ITM2C: variants seen among roughly 807,000 people sequenced by gnomAD.
ITM2C encodes integral membrane protein 2C.
A neutral mutation model predicts 30.0 loss-of-function variants in ITM2C; 20 were observed. That is an observed-to-expected ratio of 0.67 (90% CI 0.47 to 0.97). The LOEUF (loss-of-function observed/expected upper bound fraction) is 0.97. ITM2C is among the 50% of genes least tolerant of loss of function. The probability of loss-of-function intolerance (pLI) is 0.00; values close to 1 mark genes in which losing one functional copy is unlikely to be tolerated. For missense variants in ITM2C, 366 were observed against 371.9 expected, an observed-to-expected ratio of 0.98 and a Z score of 0.13; for synonymous variants, 167 against 156.4, an observed-to-expected ratio of 1.07 and a Z score of -0.51.
At chr2:230,864,793 C>G, upstream of ITM2C, 1 of 266,394 alleles carries the variant, frequency 3.8e-6, no homozygotes, top group Non-Finnish European at 6.7e-6. The surrounding 1 kb of genome is among the most constrained non-coding windows in gnomAD (Gnocchi z 4.3). Flanking sequence ...AGGTGCGGAG[C>G]GGCGCGCCCG....
At chr2:230,868,463 T>TCA (rs10675424) in intron 1 of ITM2C, among the ~76,000 whole-genome samples, 41,274 of 150,240 alleles carry the variant, frequency 0.27, 5,948 homozygotes, top group African/African-American at 0.36. Context: ...GTGCCTGCAC[T>TCA]CACACACACA....
At chr2:230,876,768 C>T (rs951177693) in intron 3 of ITM2C, 89 bp from the exon 4 acceptor site, 1 of 828,490 alleles carries the variant, frequency 1.2e-6, no homozygotes, top group East Asian at 2.5e-5. Context: ...GCATGAGCCA[C>T]CGCGCCTGGC....
In ITM2C at chr2:230,865,126, T is replaced by C; in HGVS notation, c.101T>C (p.Ile34Thr). 1 of 1,495,036 alleles carries C rather than the reference T, an allele frequency of 6.7e-7. No homozygotes were observed. Among genetic ancestry groups the C allele is most frequent in the Non-Finnish European group, 9.0e-7 (1 of 1,115,174 alleles). The allele number at this position is 1,495,036 out of a possible 1,614,324, so 92.6% of individuals were successfully genotyped here. A position where few individuals can be genotyped will look rare whatever the true frequency, so the allele number is the denominator to read the frequency against. ...SAPAPASATE[I>T]LLTPAREEQP... The stretch of plus-strand genomic sequence containing the variant: ...CCTGCGCCGGCCTCGGCCACCGAGA[T>C]CCTGCTGACGCCGGCTAGGGTGAGA... The change falls in exon 1 of 6, where the codon ATC becomes ACC. Residue 34 changes from isoleucine (I) to threonine (T), a missense_variant. Physicochemically the swap from Ile to Thr is moderately conservative, Grantham distance 89 (BLOSUM62 -1). Transcript: ENST00000326427. This position sits in a 1 kb window ranked among gnomAD's most constrained non-coding sequence, Gnocchi z 6.8.
At chr2:230,870,975 C>G (rs1322428612) in intron 1 of ITM2C, among the ~76,000 whole-genome samples, 1 of 152,192 alleles carries the variant, frequency 6.6e-6, no homozygotes, top group Non-Finnish European at 1.5e-5. Context: ...AATGCAGCCT[C>G]AACAGCTGTC....
In ITM2C at chr2:230,878,048, C is replaced by T. The variant is rs1689964115; in HGVS notation, c.753C>T (p.Arg251=). ...KRGAKNCNAI[R]HFENTFVVET... ...GGGCCAAGAACTGCAATGCCATCCG[C>T]CACTTCGAGAACACCTTCGTGGTGG... Residue 251 remains arginine (R), a synonymous_variant, in exon 6 of 6, where the codon CGC becomes CGT. Coordinates refer to ENST00000326427, the MANE Select transcript of ITM2C (RefSeq NM_030926.6). This position sits in a 1 kb window ranked among gnomAD's most constrained non-coding sequence, Gnocchi z 4.5. 1 of 1,609,778 alleles carries T rather than the reference C, an allele frequency of 6.2e-7. No individual in the cohort carries two copies. The highest frequency in any genetic ancestry group is 2.2e-5 in the East Asian group (1 of 44,664).
rs141369324 is a variant in ITM2C at position 230,877,542 on chromosome 2, C to T, written c.704C>T (p.Thr235Met). The T allele has an allele frequency of 1.5e-5, 24 of 1,613,428 alleles. No homozygotes were observed. The highest frequency in any genetic ancestry group is 1.7e-4 in the Middle Eastern group (1 of 5,850). Residue 235 changes from threonine (T) to methionine (M), a missense_variant, in exon 5 of 6, where the codon ACG (threonine) becomes ATG (methionine). Transcript: ENST00000326427. This position sits in a 1 kb window ranked among gnomAD's most constrained non-coding sequence, Gnocchi z 4.8. ...KDTYRLRRRA[T>M]RRRINKRGAK... is the part of the protein sequence containing the mutation. ...ACCTACCGGCTCCGGCGCCGGGCAA[C>T]GCGGAGGCGTGAGTGGCTGGCTTCA...
intron 1 of ITM2C, among the ~76,000 whole-genome samples, chr2:230,868,277 C>G (rs3098327): frequency 0.39 from 59,319 of 151,896 alleles, 13,364 homozygotes; most frequent in East Asian, 0.84. Flanking sequence ...GGTGTTTTGA[C>G]TCTGAGATAA....
chr2:230,869,393 G>T (rs1697108365), intron 1 of ITM2C, among the ~76,000 whole-genome samples: 1 of 152,192 alleles, frequency 6.6e-6, no homozygotes, highest in Admixed American at 6.5e-5. Context: ...GGTGGACAGT[G>T]TTTGCCCACT....
intron 1 of ITM2C, among the ~76,000 whole-genome samples, chr2:230,868,100 C>A (rs1047580841): frequency 1.3e-5 from 2 of 152,042 alleles, no homozygotes; most frequent in Admixed American, 1.3e-4. Flanking sequence ...CAGGGTGAGG[C>A]GGCAGGAGCA....
chr2:230,866,513 T>G (rs1444026753), intron 1 of ITM2C, among the ~76,000 whole-genome samples: 3 of 152,230 alleles, frequency 2.0e-5, no homozygotes, highest in Non-Finnish European at 4.4e-5. Flanking sequence ...TGGTGGTCAC[T>G]GCAGCAACCA....
In ITM2C at chr2:230,877,015, GC is replaced by G. The variant is rs754014843; in HGVS notation, c.561+53del. ...GTCTGCAGCATCCTGTCCCTCCCTTGCCCCCTGTCTCATGGAGGCTAGGTCT... is the reference window on the plus strand; with the variant it reads ...GTCTGCAGCATCCTGTCCCTCCCTTGCCCCTGTCTCATGGAGGCTAGGTCT... On this transcript the variant is annotated intron_variant, in intron 4 of 5. Transcript: ENST00000326427. The surrounding 1 kb of genome is among the most constrained non-coding windows in gnomAD (Gnocchi z 4.8). 12 of 1,289,350 alleles carry G rather than the reference GC, an allele frequency of 9.3e-6. No individual in the cohort carries two copies. In the Admixed American group the frequency reaches 1.0e-4, roughly 11 times the overall value. The allele number at this position is 1,289,350 out of a possible 1,614,324, so 79.9% of individuals were successfully genotyped here.
Position 230,877,423 on chromosome 2 carries a change from G to A in ITM2C, c.585G>A (p.Thr195=), listed in dbSNP as rs34910213. Residue 195 remains threonine (T), a synonymous_variant, in exon 5 of 6, where the codon ACG becomes ACA. Transcript: ENST00000326427. The surrounding 1 kb of genome is among the most constrained non-coding windows in gnomAD (Gnocchi z 4.8). The part of the protein sequence containing the change: ...NVKRGTYLPQ[T]YIIQEEMVVT... ...AGAGGGGGACCTACCTGCCGCAGAC[G>A]TACATCATCCAGGAGGAGATGGTGG... The A allele has an allele frequency of 0.015, 24,162 of 1,613,950 alleles. 238 individuals carry two copies. Among genetic ancestry groups the A allele is most frequent in the Non-Finnish European group, 0.019 (22,295 of 1,179,964 alleles).
intron 1 of ITM2C, among the ~76,000 whole-genome samples, chr2:230,869,524 G>T (rs971497947): frequency 6.6e-6 from 1 of 152,198 alleles, no homozygotes; most frequent in Non-Finnish European, 1.5e-5. Context: ...GGAGAGATGT[G>T]GGGGAGGTGA....
At chr2:230,873,910 C>G (rs537552396) in intron 2 of ITM2C, among the ~76,000 whole-genome samples, 1 of 152,222 alleles carries the variant, frequency 6.6e-6, no homozygotes, top group Non-Finnish European at 1.5e-5. Flanking sequence ...CTGCAGGTCA[C>G]GCTTTAAGGC....
intron 1 of ITM2C, among the ~76,000 whole-genome samples, chr2:230,871,659 G>A (rs1271614753): frequency 1.3e-5 from 2 of 152,236 alleles, no homozygotes; most frequent in Non-Finnish European, 2.9e-5. Context: ...TGCGGGCAGT[G>A]GTTTGACCTC....
chr2:230,869,361 A>G (rs558792443), intron 1 of ITM2C, among the ~76,000 whole-genome samples: 2 of 152,242 alleles, frequency 1.3e-5, no homozygotes, highest in South Asian at 4.2e-4. Flanking sequence ...GTGCCTCTGG[A>G]CCACTGGGCT....
intron 2 of ITM2C, among the ~76,000 whole-genome samples, chr2:230,875,164 C>T (rs1191839138): frequency 6.6e-6 from 1 of 152,224 alleles, no homozygotes; most frequent in Non-Finnish European, 1.5e-5. Context: ...CTGCCAACCC[C>T]AGGCTCTTTC....
chr2:230,865,049 C>T lies in ITM2C; in HGVS notation c.24C>T (p.Pro8=), dbSNP rs1696988876. 3 of 1,524,750 alleles carry T rather than the reference C, an allele frequency of 2.0e-6. No homozygotes were observed. The highest frequency in any genetic ancestry group is 1.4e-5 in the African/African-American group (1 of 70,530). 94.5% of individuals were successfully genotyped at this position (1,524,750 alleles called of 1,614,324 possible). The change falls in exon 1 of 6, where the codon CCC becomes CCT. Residue 8 remains proline (P), a synonymous_variant. Transcript: ENST00000326427. The surrounding 1 kb of genome is among the most constrained non-coding windows in gnomAD (Gnocchi z 6.8). ...CCATGGTGAAGATTAGCTTCCAGCC[C>T]GCCGTGGCTGGCATCAAGGGCGACA... MVKISFQ[P]AVAGIKGDKA...
At position 230,878,006 on chromosome 2, in the gene ITM2C, A is replaced by G. The variant is rs113902692; in HGVS notation, c.713-2A>G. 1.9e-6 allele frequency: 3 copies of G among 1,612,474 alleles called. No homozygotes were observed. The highest frequency in any genetic ancestry group is 2.5e-6 in the Non-Finnish European group (3 of 1,179,092). ...CACTGGGGTTTTTCTTTTTCCTCCCAGGGATCAACAAGCGTGGGGCCAAGA... is the reference window on the plus strand; with the variant it reads ...CACTGGGGTTTTTCTTTTTCCTCCCGGGGATCAACAAGCGTGGGGCCAAGA... On this transcript the variant is annotated splice_acceptor_variant, in intron 5 of 5. Transcript: ENST00000326427. LOFTEE classifies it high-confidence loss of function. This position sits in a 1 kb window ranked among gnomAD's most constrained non-coding sequence, Gnocchi z 4.5.
Sources: gnomAD v4.1 joint callset for allele counts (sites outside exome capture counted in the v4.1 genomes callset) on GRCh38, gnomAD v4.1.1 for gene constraint, Gnocchi (gnomAD v3.1) non-coding constraint, MANE v1.5 for transcripts, NCBI Gene and HGNC (gene_info 2026-07-23, HGNC 2026-07-21) for gene names.